The following BTNL8 variants were observed in gnomAD, a reference collection of about 807,000 sequenced individuals.
BTNL8 encodes the protein butyrophilin like 8, also known as butyrophilin-like protein 8.
Under a neutral mutation model 36.1 loss-of-function variants are expected in BTNL8, and 22 were observed. That is an observed-to-expected ratio of 0.61 (90% CI 0.44 to 0.87). The LOEUF (loss-of-function observed/expected upper bound fraction) is 0.87. BTNL8 is among the 40% of genes least tolerant of loss of function. The pLI is 0.00. For synonymous variants in BTNL8, 203 were observed against 235.6 expected (o/e 0.86, Z 1.27); for missense variants, 526 against 616.9 (o/e 0.85, Z 1.56).
chr5:180,917,842 CACGGTGAA>C (rs1202487905), intron 3 of BTNL8, among the ~76,000 whole-genome samples: 1 of 151,644 alleles, frequency 6.6e-6, no homozygotes, highest in Non-Finnish European at 1.5e-5. Flanking sequence ...TCCTGGCTAA[CACGGTGAA>C]ACCCTGTCTC....
chr5:180,936,587 CACA>C (rs1169368622), intron 3 of BTNL8, among the ~76,000 whole-genome samples: 7 of 152,112 alleles, frequency 4.6e-5, no homozygotes, highest in African/African-American at 1.7e-4. Flanking sequence ...TTGAAGAAAA[CACA>C]AGCAAATGGA....
At chr5:180,949,531 G>A in intron 7 of BTNL8, 5 of 578,454 alleles carry the variant, frequency 8.6e-6, no homozygotes, top group African/African-American at 1.9e-5. Flanking sequence ...GAGGGCACTA[G>A]TGACTGGTCA....
chr5:180,904,321 CTGTT>C (rs1279426737), intron 1 of BTNL8, among the ~76,000 whole-genome samples: 2 of 112,022 alleles, frequency 1.8e-5, no homozygotes, highest in Non-Finnish European at 3.5e-5. Context: ...ATTTGGCTCT[CTGTT>C]TGTCTGTTGT....
At chr5:180,932,983 GATATTCC>G (rs1221030241) in intron 3 of BTNL8, among the ~76,000 whole-genome samples, 1 of 138,806 alleles carries the variant, frequency 7.2e-6, no homozygotes, top group Non-Finnish European at 1.5e-5. Context: ...GATGAAAAAG[GATATTCC>G]ATGCAAATAA....
intron 1 of BTNL8, among the ~76,000 whole-genome samples, chr5:180,905,233 C>G (rs1451543663): frequency 9.9e-5 from 15 of 151,270 alleles, no homozygotes; most frequent in Admixed American, 9.9e-4. Context: ...AGAGATTCAA[C>G]TTCTTCCTGG....
chr5:180,899,360 G>C lies in BTNL8; in HGVS notation c.49+1G>C. On this transcript the variant is annotated splice_donor_variant, in intron 1 of 7. Coordinates refer to ENST00000340184, the MANE Select transcript of BTNL8 (RefSeq NM_001040462.3). LOFTEE classifies it high-confidence loss of function. ...CTGAGTCTCCTCAAGCTGGGATCAG[G>C]TAAGACTCATCTTTGTTTCCTCCTT... 6.2e-7 allele frequency: 1 copy of C among 1,613,282 alleles called. No homozygotes were observed. The highest frequency in any genetic ancestry group is 8.5e-7 in the Non-Finnish European group (1 of 1,179,220).
chr5:180,932,744 C>T (rs1241042813), intron 3 of BTNL8, among the ~76,000 whole-genome samples: 2 of 152,096 alleles, frequency 1.3e-5, no homozygotes, highest in Non-Finnish European at 2.9e-5. Context: ...CATCAAATTT[C>T]AAAGGAAGAC....
At chr5:180,912,479 C>A (rs1757444694) in intron 3 of BTNL8, among the ~76,000 whole-genome samples, 1 of 151,986 alleles carries the variant, frequency 6.6e-6, no homozygotes, top group African/African-American at 2.4e-5. Flanking sequence ...TTCTGTTACT[C>A]TGGAGAACTC....
intron 3 of BTNL8, among the ~76,000 whole-genome samples, chr5:180,921,112 C>T (rs964738850): frequency 5.3e-5 from 8 of 152,012 alleles, no homozygotes; most frequent in Admixed American, 5.2e-4. Flanking sequence ...AGTAAAGTTG[C>T]AGTGTACAAA....
intron 3 of BTNL8, among the ~76,000 whole-genome samples, chr5:180,932,804 A>C (rs1490715826): frequency 6.6e-6 from 1 of 152,176 alleles, no homozygotes; most frequent in African/African-American, 2.4e-5. Context: ...ACATAAAACA[A>C]ATTATAAAAT....
intron 3 of BTNL8, among the ~76,000 whole-genome samples, chr5:180,923,882 A>G (rs1757981827): frequency 6.6e-6 from 1 of 152,162 alleles, no homozygotes; most frequent in Admixed American, 6.5e-5. Flanking sequence ...TGCCATGTAT[A>G]ATAACACAAA....
At chr5:180,926,900 G>A (rs1758127219) in intron 3 of BTNL8, among the ~76,000 whole-genome samples, 2 of 152,210 alleles carry the variant, frequency 1.3e-5, no homozygotes, top group African/African-American at 4.8e-5. Flanking sequence ...CACAACTTCA[G>A]CAGACTTAAA....
chr5:180,930,815 CACAA>C, intron 3 of BTNL8, among the ~76,000 whole-genome samples: 1 of 152,184 alleles, frequency 6.6e-6, no homozygotes, highest in African/African-American at 2.4e-5. Flanking sequence ...TAAGAGAGGA[CACAA>C]ACAAATGGAA....
chr5:180,909,857 G>A (rs1185901374), intron 2 of BTNL8: 3 of 152,324 alleles, frequency 2.0e-5, no homozygotes, highest in African/African-American at 7.2e-5. Flanking sequence ...GACGGTAGTG[G>A]ATTATCCGAA....
At position 180,908,746 on chromosome 5, in the gene BTNL8, G is replaced by A. The variant is rs1375895751; in HGVS notation, c.210G>A (p.Gly70=). 2 of 1,614,158 alleles carry A rather than the reference G, an allele frequency of 1.2e-6. No individual in the cohort carries two copies. Among genetic ancestry groups the A allele is most frequent in the Admixed American group, 3.3e-5 (2 of 60,028 alleles). The change falls in exon 2 of 8, where the codon GGG becomes GGA. Residue 70 remains glycine, a synonymous_variant. Coordinates refer to ENST00000340184, the MANE Select transcript of BTNL8 (RefSeq NM_001040462.3). ...FSSVVHLYRD[G]KDQPFMQMPQ... ...GCGTGGTCCACCTCTACAGGGACGG[G>A]AAGGACCAGCCATTTATGCAGATGC...
At chr5:180,936,504 T>C (rs543128885) in intron 3 of BTNL8, among the ~76,000 whole-genome samples, 2 of 152,164 alleles carry the variant, frequency 1.3e-5, no homozygotes, top group East Asian at 1.9e-4. Flanking sequence ...AAAAAGTACT[T>C]AGATATAAAT....
At chr5:180,926,766 CT>C (rs1758122045) in intron 3 of BTNL8, among the ~76,000 whole-genome samples, 1 of 152,212 alleles carries the variant, frequency 6.6e-6, no homozygotes, top group Admixed American at 6.5e-5. Context: ...CAGACTGCCT[CT>C]CTAGATTCCT....
chr5:180,934,507 A>C (rs1002852759), intron 3 of BTNL8, among the ~76,000 whole-genome samples: 1 of 152,218 alleles, frequency 6.6e-6, no homozygotes, highest in South Asian at 2.1e-4. Flanking sequence ...TGAGGAGTGC[A>C]TGAGTGAGCG....
chr5:180,928,815 A>T (rs1438312930), intron 3 of BTNL8, among the ~76,000 whole-genome samples: 1 of 152,358 alleles, frequency 6.6e-6, no homozygotes, highest in East Asian at 1.9e-4. Context: ...TTCATAAAGC[A>T]AGTTCTTAGA....
Sources: allele counts gnomAD v4.1 joint callset (sites outside exome capture counted in the v4.1 genomes callset), GRCh38; gene constraint gnomAD v4.1.1; transcripts MANE v1.5; gene names NCBI Gene and HGNC (gene_info 2026-07-23, HGNC 2026-07-21).